The following SLC25A40 variants were observed in gnomAD, a reference collection of about 807,000 sequenced individuals.
SLC25A40 encodes mitochondrial glutathione transporter SLC25A40.
Under a neutral mutation model 46.5 loss-of-function variants are expected in SLC25A40, and 41 were observed. The ratio of observed to expected loss-of-function variants is 0.88; its 90% CI spans 0.69 to 1.14. The LOEUF (loss-of-function observed/expected upper bound fraction) is 1.14, where lower values mean the gene tolerates loss of function less well. Among genes scored for constraint, SLC25A40 ranks in the 50% most tolerant of loss-of-function variants. The probability of loss-of-function intolerance (pLI) is 0.00; values close to 1 mark genes in which losing one functional copy is unlikely to be tolerated. For missense variants in SLC25A40, 386 were observed against 393.6 expected (o/e 0.98, Z 0.16); for synonymous variants, 126 against 127.5 (o/e 0.99, Z 0.08).
At position 87,875,233 on chromosome 7, in the gene SLC25A40, C is replaced by G. The variant is rs150166460; in HGVS notation, c.-94+863G>C. Among the ~76,000 whole-genome samples, 575 of 152,326 alleles carry G rather than the reference C, an allele frequency of 3.8e-3. 3 individuals carry two copies. Among genetic ancestry groups the G allele is most frequent in the African/African-American group, 0.013 (554 of 41,568 alleles). On this transcript the variant is annotated intron_variant, in intron 1 of 11. Coordinates refer to ENST00000341119, the MANE Select transcript of SLC25A40 (RefSeq NM_018843.4). ...GTCCACTTCTGCTAGACATTTCTCT[C>G]GAGTCATAAACATCTTTAACTGTCT...
At chr7:87,841,865 T>G in intron 9 of SLC25A40, 151 bp from the exon 10 acceptor site, 1 of 371,872 alleles carries the variant, frequency 2.7e-6, no homozygotes, top group Non-Finnish European at 4.7e-6. Context: ...TAAGTTTTCA[T>G]TAAAGCAAAT....
intron 6 of SLC25A40, among the ~76,000 whole-genome samples, chr7:87,849,521 A>G (rs1838474956): frequency 6.6e-6 from 1 of 152,228 alleles, no homozygotes; most frequent in Non-Finnish European, 1.5e-5. Context: ...CCCAAGGCAG[A>G]AGCACTTTGT....
At chr7:87,870,188 A>G (rs1380188811) in intron 1 of SLC25A40, among the ~76,000 whole-genome samples, 1 of 151,026 alleles carries the variant, frequency 6.6e-6, no homozygotes, top group East Asian at 1.9e-4. Flanking sequence ...TTTTTTGGAT[A>G]CTAGATCCTT....
intron 1 of SLC25A40, among the ~76,000 whole-genome samples, chr7:87,875,411 CA>C (rs1838978965): frequency 6.6e-6 from 1 of 152,176 alleles, no homozygotes; most frequent in South Asian, 2.1e-4. Flanking sequence ...TACCTACCTG[CA>C]AAACCGTAAC....
chr7:87,861,224 G>C (rs1310737324), intron 1 of SLC25A40, among the ~76,000 whole-genome samples: 2 of 152,116 alleles, frequency 1.3e-5, no homozygotes, highest in African/African-American at 2.4e-5. Flanking sequence ...CGTGGCAAGG[G>C]AGAGTAAACT....
At position 87,843,842 on chromosome 7, in the gene SLC25A40, T is replaced by C. The variant is rs747354218; in HGVS notation, c.653A>G (p.Glu218Gly). 6 of 1,604,988 alleles carry C rather than the reference T, an allele frequency of 3.7e-6. No individual in the cohort carries two copies. In the African/African-American group the frequency reaches 6.7e-5, roughly 18 times the overall value. The change falls in exon 9 of 12, where the codon GAA becomes GGA. Residue 218 changes from glutamate to glycine, a missense_variant. Coordinates refer to ENST00000341119, the MANE Select transcript of SLC25A40 (RefSeq NM_018843.4). ...CTCACATAACCACTTCTTTAAAATT[T>C]CATAGTTATACCAGTACATTGCTAT... is the stretch of plus-strand genomic sequence containing the variant. ...PFSAMYWYNY[E>G]ILKKWLCEKS... is the part of the protein sequence containing the mutation.
In SLC25A40 at chr7:87,847,848, C is replaced by G. The variant is rs777489646; in HGVS notation, c.457+5G>C. The G allele has an allele frequency of 6.3e-7, 1 of 1,595,570 alleles. No homozygotes were observed. Among genetic ancestry groups the G allele is most frequent in the Non-Finnish European group, 8.5e-7 (1 of 1,174,880 alleles). On this transcript the variant is annotated splice_donor_5th_base_variant and intron_variant, in intron 7 of 11. Transcript: ENST00000341119. ...TCAAAATGAAAATAAAGATTTATTA[C>G]TCACATCTGGCTACAATTCCAGCAA...
intron 4 of SLC25A40, among the ~76,000 whole-genome samples, chr7:87,855,575 C>T (rs1838599869): frequency 6.6e-6 from 1 of 152,078 alleles, no homozygotes; most frequent in African/African-American, 2.4e-5. Flanking sequence ...TGAGTGTTTC[C>T]TTCTGCTTTT....
chr7:87,860,691 T>C (rs1172675719), intron 1 of SLC25A40, 51 bp from the exon 2 acceptor site: 2 of 152,160 alleles, frequency 1.3e-5, no homozygotes, highest in African/African-American at 4.8e-5. Context: ...AGGAAAAGGA[T>C]AATAAATCTA....
At chr7:87,848,608 T>A (rs1392159424) in intron 6 of SLC25A40, among the ~76,000 whole-genome samples, 1 of 152,198 alleles carries the variant, frequency 6.6e-6, no homozygotes, top group Non-Finnish European at 1.5e-5. Context: ...TGCTTATAAC[T>A]AGACATAAAT....
chr7:87,851,948 A>G (rs756377253), intron 5 of SLC25A40, among the ~76,000 whole-genome samples: 31 of 152,236 alleles, frequency 2.0e-4, no homozygotes, highest in Admixed American at 1.3e-4. Context: ...TTTTTTAAAA[A>G]GATAGGCTTA....
At chr7:87,861,801 T>G (rs1838702921) in intron 1 of SLC25A40, among the ~76,000 whole-genome samples, 1 of 152,094 alleles carries the variant, frequency 6.6e-6, no homozygotes, top group African/African-American at 2.4e-5. Context: ...GCACATGAAA[T>G]TAAATCCAGA....
chr7:87,852,472 G>A (rs371618928), intron 5 of SLC25A40, among the ~76,000 whole-genome samples: 2 of 152,238 alleles, frequency 1.3e-5, no homozygotes, highest in South Asian at 2.1e-4. Flanking sequence ...GGGAGACGGA[G>A]GTGGGAGAAT....
intron 1 of SLC25A40, among the ~76,000 whole-genome samples, chr7:87,874,746 A>C (rs1046833294): frequency 6.6e-6 from 1 of 152,160 alleles, no homozygotes; most frequent in Non-Finnish European, 1.5e-5. Flanking sequence ...ACCCCCTTTT[A>C]ATAGATTAAA....
chr7:87,866,983 C>A (rs1024216703), intron 1 of SLC25A40, among the ~76,000 whole-genome samples: 2 of 151,890 alleles, frequency 1.3e-5, no homozygotes, highest in Non-Finnish European at 2.9e-5. Context: ...CCTGGATGCG[C>A]CTTTTAAGCG....
chr7:87,872,429 A>C (rs1236105102), intron 1 of SLC25A40, among the ~76,000 whole-genome samples: 1 of 152,190 alleles, frequency 6.6e-6, no homozygotes, highest in Non-Finnish European at 1.5e-5. Flanking sequence ...AAACAATAAA[A>C]GCTGGTCCCT....
intron 9 of SLC25A40, among the ~76,000 whole-genome samples, chr7:87,842,837 A>G (rs905131209): frequency 6.6e-5 from 10 of 152,080 alleles, no homozygotes; most frequent in African/African-American, 2.4e-4. Context: ...AAATAGTACA[A>G]TAGAGGACTT....
At chr7:87,839,058 A>G (rs1480439663) in intron 10 of SLC25A40, among the ~76,000 whole-genome samples, 1 of 151,516 alleles carries the variant, frequency 6.6e-6, no homozygotes, top group Non-Finnish European at 1.5e-5. Context: ...AGTAGAACTG[A>G]TAACTCAGAA....
Position 87,841,637 on chromosome 7 carries a change from A to G in SLC25A40, c.819T>C (p.His273=). ...KQTQLWTYES[H]KISMPLHMST... is the part of the protein sequence containing the mutation. ...TTTTAAATTAATTAAACTTACTTTT[A>G]TGACTTTCATATGTCCAAAGTTGTG... Residue 273 remains histidine, a synonymous_variant, in exon 10 of 12, where the codon CAT becomes CAC. Coordinates refer to ENST00000341119, the MANE Select transcript of SLC25A40 (RefSeq NM_018843.4). The G allele has an allele frequency of 6.7e-7, 1 of 1,485,566 alleles. No individual in the cohort carries two copies. Among genetic ancestry groups the G allele is most frequent in the South Asian group, 1.5e-5 (1 of 68,842 alleles). 92.0% of individuals were successfully genotyped at this position (1,485,566 alleles called of 1,614,324 possible). A position where few individuals can be genotyped will look rare whatever the true frequency, so the allele number is the denominator to read the frequency against.
Sources: allele counts gnomAD v4.1 joint callset (sites outside exome capture counted in the v4.1 genomes callset), GRCh38; gene constraint gnomAD v4.1.1; transcripts MANE v1.5; gene names NCBI Gene and HGNC (gene_info 2026-07-23, HGNC 2026-07-21).